TOP1MT: variants seen among roughly 807,000 people sequenced by gnomAD.
The protein encoded by TOP1MT is DNA topoisomerase I, mitochondrial.
TOP1MT carries 80 observed loss-of-function variants against 73.9 expected under a neutral mutation model. The observed-to-expected ratio is 1.08, with a 90% CI of 0.90 to 1.30. The LOEUF (loss-of-function observed/expected upper bound fraction) is 1.30, where lower values mean the gene tolerates loss of function less well. TOP1MT is among the 50% of genes most tolerant of loss of function. The pLI is 0.00. For synonymous variants in TOP1MT, 338 were observed against 326.4 expected (o/e 1.04, Z -0.38); for missense variants, 815 against 808.0 (o/e 1.01, Z -0.10).
chr8:143,349,900 T>TA (rs1423964883), upstream of TOP1MT, among the ~76,000 whole-genome samples: 5 of 152,198 alleles, frequency 3.3e-5, no homozygotes, highest in South Asian at 1.0e-3. Flanking sequence ...CTCAGCCTCC[T>TA]AAAGTGCTGG....
chr8:143,318,048 G>T lies in TOP1MT; in HGVS notation c.1185C>A (p.Asp395Glu), dbSNP rs375045202. 6.2e-7 allele frequency: 1 copy of T among 1,614,028 alleles called. No homozygotes were observed. The highest frequency in any genetic ancestry group is 1.3e-5 in the African/African-American group (1 of 74,922). The change falls in exon 9 of 14, where the codon GAC becomes GAA. Residue 395 changes from aspartate (D) to glutamate (E), a missense_variant. By Grantham distance (45) the Asp-to-Glu change is conservative (BLOSUM62 2). Coordinates refer to ENST00000329245, the MANE Select transcript of TOP1MT (RefSeq NM_052963.3). ...GCCTGTCGAAGAGGTCGTCCCGGGG[G>T]TCCTTGTTCTCCATAAAGAGCTGTA... ...KNLQLFMENKDPRDDLFDRLT... is the reference protein window; with the variant it reads ...KNLQLFMENKEPRDDLFDRLT...
At position 143,326,204 on chromosome 8, in the gene TOP1MT, C is replaced by T. The variant is rs200926647; in HGVS notation, c.483+18G>A. ...CCAGGGGCCACTTCAGGTCACACAA[C>T]GCTCGAGGCAGCCCAACCTGCTTCT... On this transcript the variant is annotated intron_variant, in intron 4 of 13. Coordinates refer to ENST00000329245, the MANE Select transcript of TOP1MT (RefSeq NM_052963.3). The T allele has an allele frequency of 2.0e-5, 32 of 1,613,098 alleles. No individual in the cohort carries two copies. Among genetic ancestry groups the T allele is most frequent in the Middle Eastern group, 3.3e-4 (2 of 6,062 alleles).
rs753852265 is a variant in TOP1MT at position 143,321,229 on chromosome 8, T to C, written c.1118A>G (p.Tyr373Cys). The C allele has an allele frequency of 5.6e-6, 9 of 1,609,584 alleles. No individual in the cohort carries two copies. Among genetic ancestry groups the C allele is most frequent in the Non-Finnish European group, 7.6e-6 (9 of 1,177,712 alleles). ...FDFLGKDCIR[Y>C]YNRVPVEKPV... ...CTTCTCCACCGGCACTCTGTTGTAG[T>C]AGCGGATGCAGTCCTTCCCCAGGAA... is the stretch of plus-strand genomic sequence containing the variant. Residue 373 changes from tyrosine to cysteine, a missense_variant, in exon 8 of 14, where the codon TAC becomes TGC. Tyr to Cys is a radical substitution (Grantham distance 194, BLOSUM62 -2). Coordinates refer to ENST00000329245, the MANE Select transcript of TOP1MT (RefSeq NM_052963.3).
Position 143,341,889 on chromosome 8 carries a change from A to C in TOP1MT, c.29+1331T>G, listed in dbSNP as rs1194623417. Among the ~76,000 whole-genome samples, 2 of 151,464 alleles carry C rather than the reference A, an allele frequency of 1.3e-5. No homozygotes were observed. The highest frequency in any genetic ancestry group is 2.4e-5 in the African/African-American group (1 of 41,018). On this transcript the variant is annotated intron_variant, in intron 2 of 5. Coordinates refer to the TOP1MT transcript ENST00000518007. This position sits in a 1 kb window ranked among gnomAD's most constrained non-coding sequence, Gnocchi z 4.1. ...TCTCCTCCCCCTTCTTCTTCTTCTT[A>C]TTAGCGACAGAGTCTCACTCTGTTA...
At chr8:143,332,333 T>C (rs1192690894) in intron 1 of TOP1MT, among the ~76,000 whole-genome samples, 1 of 152,076 alleles carries the variant, frequency 6.6e-6, no homozygotes, top group East Asian at 1.9e-4. Context: ...GAAGAGCAAG[T>C]CCAGCACCCA....
chr8:143,354,696 G>A (rs1817378126), intron 1 of TOP1MT, among the ~76,000 whole-genome samples: 1 of 150,090 alleles, frequency 6.7e-6, no homozygotes, highest in Admixed American at 6.6e-5. Context: ...TGGGCAGCAA[G>A]AGTGAAACTC....
chr8:143,358,998 T>C (rs921030319), upstream of TOP1MT, among the ~76,000 whole-genome samples: 5 of 144,608 alleles, frequency 3.5e-5, no homozygotes, highest in Non-Finnish European at 5.9e-5. Flanking sequence ...AGCGTTTTTT[T>C]TGTTTTCTGT....
At chr8:143,343,186 G>A (rs949919222) in intron 2 of TOP1MT, 1 of 456,316 alleles carries the variant, frequency 2.2e-6, no homozygotes, top group South Asian at 1.5e-5. Context: ...TCAGAATCAT[G>A]TTCACACATT....
intron 1 of TOP1MT, among the ~76,000 whole-genome samples, chr8:143,355,706 C>G (rs758166311): frequency 5.3e-5 from 8 of 152,196 alleles, no homozygotes; most frequent in Non-Finnish European, 7.3e-5. Context: ...GCCCCCGACA[C>G]GAATGTGCAA....
chr8:143,343,362 G>A, intron 1 of TOP1MT: 1 of 440,956 alleles, frequency 2.3e-6, no homozygotes, highest in Non-Finnish European at 4.6e-6. Flanking sequence ...CAGAGAGTCA[G>A]AACAACCTCA....
Position 143,331,301 on chromosome 8 carries a change from C to T in TOP1MT, c.161G>A (p.Arg54Lys). The change falls in exon 2 of 14, where the codon AGA (arginine) becomes AAA (lysine). Residue 54 changes from arginine (R) to lysine (K), a missense_variant. Transcript: ENST00000329245. ...GTACGGGCCCTTGTGCTCCAGCTGTCTCCACTTCACCCCGTCTTCGTGCTT... is the reference window on the plus strand; with the variant it reads ...GTACGGGCCCTTGTGCTCCAGCTGTTTCCACTTCACCCCGTCTTCGTGCTT... ...KEKHEDGVKW[R>K]QLEHKGPYFA... 3 of 1,612,936 alleles carry T rather than the reference C, an allele frequency of 1.9e-6. No individual in the cohort carries two copies. Among genetic ancestry groups the T allele is most frequent in the Non-Finnish European group, 2.5e-6 (3 of 1,179,140 alleles).
chr8:143,317,020 C>T (rs1037618052), intron 10 of TOP1MT, among the ~76,000 whole-genome samples: 5 of 152,242 alleles, frequency 3.3e-5, no homozygotes, highest in Non-Finnish European at 7.3e-5. Flanking sequence ...AGCACAGCAC[C>T]GGCCTCTGAG....
rs533266611 is a variant in TOP1MT, at chr8:143,342,962, T to C, written c.29+258A>G. Among the ~76,000 whole-genome samples, 5 of 152,102 alleles carry C rather than the reference T, an allele frequency of 3.3e-5. No homozygotes were observed. The East Asian group carries it at 5.8e-4, about 18-fold the overall frequency. ...TTTTAGTAGAGAGGGGGTTTCATCA[T>C]GTTGGACAGGCTGGTCTCAAATTCC... On this transcript the variant is annotated intron_variant, in intron 2 of 5. Coordinates refer to the TOP1MT transcript ENST00000518007.
At chr8:143,342,608 G>A (rs1371196690) in intron 2 of TOP1MT, among the ~76,000 whole-genome samples, 1 of 45,798 alleles carries the variant, frequency 2.2e-5, no homozygotes, top group Non-Finnish European at 3.5e-5. Context: ...GAGTCTCGCT[G>A]TTATTATTAT....
intron 12 of TOP1MT, chr8:143,310,488 A>G (rs527972306): frequency 1.5e-5 from 5 of 338,912 alleles, no homozygotes; most frequent in East Asian, 1.4e-4. Flanking sequence ...TGCTCGACAC[A>G]ACAGACTGAG....
At chr8:143,313,411 A>G (rs1386061021) in intron 12 of TOP1MT, among the ~76,000 whole-genome samples, 3 of 151,630 alleles carry the variant, frequency 2.0e-5, no homozygotes, top group Non-Finnish European at 4.4e-5. Flanking sequence ...TTAGCCAGGT[A>G]TAGTGGTGTG....
intron 7 of TOP1MT, among the ~76,000 whole-genome samples, chr8:143,321,723 CCA>C (rs1361759293): frequency 7.4e-6 from 1 of 135,968 alleles, no homozygotes; most frequent in Admixed American, 7.4e-5. Context: ...CACACGCACG[CCA>C]CACACAGGTA....
rs1816244455 is a variant in TOP1MT at position 143,318,709 on chromosome 8, G to A, written c.1147-623C>T. Among the ~76,000 whole-genome samples the A allele has an allele frequency of 2.0e-5, 3 of 152,196 alleles. 1 individual carries two copies. In the South Asian group the frequency reaches 6.2e-4, roughly 32 times the overall value. ...TGCTCTCTCCAGCACCAGCATGGCA[G>A]CCCTCCCTCACCAGACACGGGCAGG... On this transcript the variant is annotated intron_variant, in intron 8 of 13. Coordinates refer to ENST00000329245, the MANE Select transcript of TOP1MT (RefSeq NM_052963.3).
chr8:143,312,100 C>T (rs756414524), intron 12 of TOP1MT, among the ~76,000 whole-genome samples: 3 of 152,118 alleles, frequency 2.0e-5, no homozygotes, highest in Non-Finnish European at 4.4e-5. Context: ...AGGCTGAGTT[C>T]GGAGGACTGC....
Sources: gnomAD v4.1 joint callset for allele counts (sites outside exome capture counted in the v4.1 genomes callset) on GRCh38, gnomAD v4.1.1 for gene constraint, Gnocchi (gnomAD v3.1) non-coding constraint, MANE v1.5 for transcripts, NCBI Gene and HGNC (gene_info 2026-07-23, HGNC 2026-07-21) for gene names.